The following SLC26A9 variants were observed in gnomAD, a reference collection of about 807,000 sequenced individuals.
SLC26A9 encodes solute carrier family 26 member 9.
SLC26A9 carries 46 observed loss-of-function variants against 87.1 expected under a neutral mutation model. The observed-to-expected ratio is 0.53, with a 90% CI of 0.42 to 0.67. The LOEUF is 0.67. Among genes scored for constraint, SLC26A9 ranks in the 30% least tolerant of loss-of-function variants. The pLI is 0.00. For missense variants in SLC26A9, 927 were observed against 1,018.3 expected (o/e 0.91, Z 1.22); for synonymous variants, 437 against 409.1 (o/e 1.07, Z -0.82).
chr1:205,931,399 C>T (rs1035903687), intron 5 of SLC26A9, among the ~76,000 whole-genome samples: 2 of 149,774 alleles, frequency 1.3e-5, no homozygotes, highest in African/African-American at 4.9e-5. Flanking sequence ...TGAGGAGATA[C>T]TGTTAATTTT....
At chr1:205,932,178 C>T in intron 4 of SLC26A9, 143 bp from the exon 5 acceptor site, 2 of 939,480 alleles carry the variant, frequency 2.1e-6, no homozygotes, top group Non-Finnish European at 3.2e-6. Flanking sequence ...ATAATAACAA[C>T]CACTCACTCT....
chr1:205,935,874 C>T (rs1558129349), intron 1 of SLC26A9, 36 bp from the exon 2 acceptor site: 16 of 1,586,426 alleles, frequency 1.0e-5, no homozygotes, highest in Admixed American at 1.7e-5. Flanking sequence ...GGTGAGGGAA[C>T]ATCCCTCCCT....
Position 205,921,599 on chromosome 1 carries a change from G to A in SLC26A9, c.2022C>T (p.Phe674=), listed in dbSNP as rs758605694. The A allele has an allele frequency of 1.7e-5, 27 of 1,611,110 alleles. No individual in the cohort carries two copies. The highest frequency in any genetic ancestry group is 5.3e-5 in the African/African-American group (4 of 74,894). ...TLILDMSGVS[F]VDLMGIKALA... Reference sequence around the variant, plus strand: ...GGGCCTTGATGCCCATCAAGTCCACGAAGCTGACTCCACTCATGTCCAGGA... The same window carrying A: ...GGGCCTTGATGCCCATCAAGTCCACAAAGCTGACTCCACTCATGTCCAGGA... Residue 674 remains phenylalanine (F), a synonymous_variant, in exon 17 of 21, where the codon TTC becomes TTT. Coordinates refer to ENST00000367135, the MANE Select transcript of SLC26A9 (RefSeq NM_052934.4).
intron 11 of SLC26A9, 129 bp from the exon 12 acceptor site, chr1:205,926,759 C>A: frequency 1.4e-6 from 1 of 740,734 alleles, no homozygotes; most frequent in East Asian, 2.7e-5. Flanking sequence ...GCTGATCCCC[C>A]AAATCTCTGC....
intron 20 of SLC26A9, 113 bp from the exon 21 acceptor site, chr1:205,915,517 C>CCT: frequency 1.7e-6 from 2 of 1,159,138 alleles, no homozygotes; most frequent in Non-Finnish European, 2.4e-6. Flanking sequence ...GAACAAAGCA[C>CCT]CTGTGTGTGT....
chr1:205,915,075 GT>G lies in SLC26A9; in HGVS notation c.*281del. 6.2e-7 allele frequency: 1 copy of G among 1,614,172 alleles called. No individual in the cohort carries two copies. Among genetic ancestry groups the G allele is most frequent in the Non-Finnish European group, 8.5e-7 (1 of 1,180,026 alleles). The stretch of plus-strand genomic sequence containing the variant: ...ACAGGGCAGAGGTGGGTGGGGTGGA[GT>G]GAGCAGGAGGCTTGTCCATTGCGGC... On this transcript the variant is annotated 3_prime_UTR_variant, in exon 21 of 21. Coordinates refer to ENST00000367135, the MANE Select transcript of SLC26A9 (RefSeq NM_052934.4).
chr1:205,919,125 T>C, intron 18 of SLC26A9, 140 bp from the exon 19 acceptor site: 2 of 1,050,780 alleles, frequency 1.9e-6, no homozygotes, highest in Admixed American at 4.1e-5. Flanking sequence ...GCCATGGCAT[T>C]GGCAGTGCAA....
At position 205,915,309 on chromosome 1, in the gene SLC26A9, T is replaced by C. The variant is rs763370730; in HGVS notation, c.*48A>G. The C allele has an allele frequency of 1.9e-6, 3 of 1,613,260 alleles. No individual in the cohort carries two copies. The highest frequency in any genetic ancestry group is 2.5e-6 in the Non-Finnish European group (3 of 1,179,592). On this transcript the variant is annotated 3_prime_UTR_variant, in exon 21 of 21. Transcript: ENST00000367135. ...ACCCCAGGCTCATCCTTTATGGAAG[T>C]CCCAAGTGCCAGGCACTCTGTAGGC... is the stretch of plus-strand genomic sequence containing the variant.
chr1:205,926,041 G>C (rs1041580190), intron 12 of SLC26A9, among the ~76,000 whole-genome samples: 2 of 152,192 alleles, frequency 1.3e-5, no homozygotes, highest in Admixed American at 1.3e-4. Flanking sequence ...ATTTACAGAT[G>C]AGGAAATAGA....
At chr1:205,937,723 C>T (rs1347654156) in intron 1 of SLC26A9, among the ~76,000 whole-genome samples, 1 of 152,166 alleles carries the variant, frequency 6.6e-6, no homozygotes, top group Non-Finnish European at 1.5e-5. Flanking sequence ...TCCTCTCCAC[C>T]TGCTCCAGAG....
rs1659236309 is a variant in SLC26A9 at position 205,929,902 on chromosome 1, G to A, written c.707C>T (p.Ser236Phe). 6.3e-7 allele frequency: 1 copy of A among 1,593,612 alleles called. No individual in the cohort carries two copies. The highest frequency in any genetic ancestry group is 8.6e-7 in the Non-Finnish European group (1 of 1,163,666). The change falls in exon 6 of 21, where the codon TCC (serine) becomes TTC (phenylalanine). Residue 236 changes from serine to phenylalanine, a missense_variant. Coordinates refer to ENST00000367135, the MANE Select transcript of SLC26A9 (RefSeq NM_052934.4). ...CATCCCCAGACTCACAAAGACGATG[G>A]ACCCTGGGCCTGTGTAGGAGGGGAT... ...LTIPSYTGPGSIVFTFIDICK... is the reference protein window; with the variant it reads ...LTIPSYTGPGFIVFTFIDICK...
At position 205,928,031 on chromosome 1, in the gene SLC26A9, C is replaced by T. The variant is rs147218911; in HGVS notation, c.972G>A (p.Ser324=). 48 of 1,613,756 alleles carry T rather than the reference C, an allele frequency of 3.0e-5. No homozygotes were observed. The African/African-American group carries it at 3.1e-4, about 10-fold the overall frequency. ...TGTCCTTCCACTGTGAGACCACAGG[C>T]GACACCGGGGTGGGGAACCTGCCGA... ...EIQRGFPTPV[S]PVVSQWKDMI... Residue 324 remains serine, a synonymous_variant, in exon 9 of 21, where the codon TCG becomes TCA. Transcript: ENST00000367135.
At chr1:205,924,676 C>G (rs945509950) in intron 12 of SLC26A9, 187 bp from the exon 13 acceptor site, 9 of 559,974 alleles carry the variant, frequency 1.6e-5, no homozygotes, top group Non-Finnish European at 2.8e-5. Context: ...TTCCTCTTTC[C>G]CTTAGATTGA....
rs1217208857 is a variant in SLC26A9 at position 205,921,792 on chromosome 1, G to C, written c.1829C>G (p.Pro610Arg). 1.2e-6 allele frequency: 2 copies of C among 1,606,002 alleles called. No individual in the cohort carries two copies. The highest frequency in any genetic ancestry group is 1.7e-6 in the Non-Finnish European group (2 of 1,177,232). Residue 610 changes from proline (P) to arginine (R), a missense_variant, in exon 17 of 21, where the codon CCC (proline) becomes CGC (arginine). Pro to Arg is a moderately radical substitution (Grantham distance 103). Transcript: ENST00000367135. ...QDFENAPPTDPNNNQTPANGT... is the reference protein window; with the variant it reads ...QDFENAPPTDRNNNQTPANGT... Reference sequence around the variant, plus strand: ...GTTAGCCGGGGTCTGGTTGTTGTTGGGGTCGGTGGGGGGCGCATTCTCAAA... The same window carrying C: ...GTTAGCCGGGGTCTGGTTGTTGTTGCGGTCGGTGGGGGGCGCATTCTCAAA...
chr1:205,936,794 G>T lies in SLC26A9; in HGVS notation c.-18-956C>A, dbSNP rs990940212. 1.5e-4 allele frequency among the ~76,000 whole-genome samples: 23 copies of T among 152,194 alleles called. 1 individual carries two copies. Among genetic ancestry groups the T allele is most frequent in the Admixed American group, 1.4e-3 (22 of 15,278 alleles). On this transcript the variant is annotated intron_variant, in intron 1 of 20. Coordinates refer to ENST00000367135, the MANE Select transcript of SLC26A9 (RefSeq NM_052934.4). ...GTGGCCAGTTTGGCAAAAGATTTGA[G>T]ATGGGGTTGAAAATGAGTAACTACT...
chr1:205,929,009 C>T, intron 7 of SLC26A9, 100 bp from the exon 8 acceptor site: 6 of 1,490,882 alleles, frequency 4.0e-6, no homozygotes, highest in Non-Finnish European at 5.6e-6. Flanking sequence ...CTGAATCCCA[C>T]TCCCCTGCCT....
chr1:205,932,112 G>A, intron 4 of SLC26A9, 77 bp from the exon 5 acceptor site: 1 of 1,558,458 alleles, frequency 6.4e-7, no homozygotes, highest in Non-Finnish European at 8.7e-7. Flanking sequence ...GCCCAGGAAT[G>A]CTTCCCGACC....
At chr1:205,917,631 C>A (rs899746361) in intron 19 of SLC26A9, among the ~76,000 whole-genome samples, 2 of 152,120 alleles carry the variant, frequency 1.3e-5, no homozygotes, top group African/African-American at 4.8e-5. Context: ...TATTGGCTAG[C>A]TGCCTGACCT....
At chr1:205,921,366 A>G (rs1658819316) in intron 17 of SLC26A9, among the ~76,000 whole-genome samples, 200 bp downstream of exon 17, 1 of 152,252 alleles carries the variant, frequency 6.6e-6, no homozygotes, top group East Asian at 1.9e-4. Context: ...ACTCATTGTC[A>G]TGGGCCGTCT....
Sources: allele counts gnomAD v4.1 joint callset (sites outside exome capture counted in the v4.1 genomes callset), GRCh38; gene constraint gnomAD v4.1.1; transcripts MANE v1.5; gene names NCBI Gene and HGNC (gene_info 2026-07-23, HGNC 2026-07-21).